Variants in SBF2 observed in about 807,000 individuals in gnomAD.
SBF2 encodes the protein SET binding factor 2.
Under a neutral mutation model 225.2 loss-of-function variants are expected in SBF2, and 112 were observed. The ratio of observed to expected loss-of-function variants is 0.50; its 90% CI spans 0.43 to 0.58. The LOEUF (loss-of-function observed/expected upper bound fraction) is 0.58, where lower values mean the gene tolerates loss of function less well. SBF2 is among the 20% of genes least tolerant of loss of function. The pLI, the probability that SBF2 is intolerant of heterozygous loss-of-function variation, is 0.00. For missense variants in SBF2, 1,996 were observed against 2,206.2 expected, an observed-to-expected ratio of 0.90 and a Z score of 1.91; for synonymous variants, 763 against 773.3, an observed-to-expected ratio of 0.99 and a Z score of 0.22.
At chr11:9,955,870 T>TA (rs1446851996) in intron 16 of SBF2, among the ~76,000 whole-genome samples, 7 of 127,418 alleles carry the variant, frequency 5.5e-5, no homozygotes, top group Non-Finnish European at 9.2e-5. Flanking sequence ...TACCTTAGTT[T>TA]TAAAAAAATA....
upstream of SBF2, among the ~76,000 whole-genome samples, chr11:10,294,514 T>A (rs574523486): frequency 3.3e-5 from 5 of 152,368 alleles, no homozygotes; most frequent in East Asian, 9.6e-4. Flanking sequence ...GAAGAAGGGA[T>A]GTGGAGAGTT....
chr11:10,150,656 T>G (rs1377481059), intron 2 of SBF2, among the ~76,000 whole-genome samples: 1 of 152,184 alleles, frequency 6.6e-6, no homozygotes, highest in East Asian at 1.9e-4. Context: ...AGCTGTTTAG[T>G]TGAAAACTCT....
chr11:9,990,196 A>G (rs1463840088), intron 12 of SBF2, among the ~76,000 whole-genome samples: 2 of 152,204 alleles, frequency 1.3e-5, no homozygotes, highest in Non-Finnish European at 2.9e-5. Flanking sequence ...TGGGGGGGTA[A>G]ATAGATGGAT....
At chr11:10,077,571 A>C (rs1474068003) in intron 2 of SBF2, among the ~76,000 whole-genome samples, 1 of 152,246 alleles carries the variant, frequency 6.6e-6, no homozygotes, top group African/African-American at 2.4e-5. Context: ...TGTTGGGAAA[A>C]CTGGCAAGCC....
intron 1 of SBF2, among the ~76,000 whole-genome samples, chr11:10,196,866 A>ATATATATATATATATATTTTTTTTTTTT: frequency 3.0e-5 from 3 of 99,302 alleles, no homozygotes; most frequent in African/African-American, 8.1e-5. Flanking sequence ...ATATATATAT[A>ATATATATATATATATATTTTTTTTTTTT]TTTTTTTTTT....
chr11:9,825,231 G>C (rs570750145), intron 28 of SBF2, among the ~76,000 whole-genome samples: 1 of 152,256 alleles, frequency 6.6e-6, no homozygotes, highest in East Asian at 1.9e-4. Flanking sequence ...CACAGAGGGA[G>C]AATGCCATGT....
intron 2 of SBF2, among the ~76,000 whole-genome samples, chr11:10,053,073 T>A (rs1399491935): frequency 6.6e-6 from 1 of 152,156 alleles, no homozygotes; most frequent in South Asian, 2.1e-4. Flanking sequence ...TAGTTATGAA[T>A]CCTGTTTTTC....
At chr11:9,972,380 T>C (rs916597745) in intron 13 of SBF2, among the ~76,000 whole-genome samples, 1 of 152,214 alleles carries the variant, frequency 6.6e-6, no homozygotes, top group African/African-American at 2.4e-5. Flanking sequence ...CATGGTACCA[T>C]GCTTCTATAA....
intron 2 of SBF2, among the ~76,000 whole-genome samples, chr11:10,120,407 G>C (rs980958469): frequency 6.6e-6 from 1 of 152,128 alleles, no homozygotes; most frequent in Admixed American, 6.5e-5. Flanking sequence ...AAATATCTTT[G>C]CAATTCTCCT....
intron 24 of SBF2, chr11:9,843,908 A>AT (rs1337988793): frequency 6.6e-6 from 1 of 152,104 alleles, no homozygotes; most frequent in South Asian, 2.1e-4. Context: ...GATTTTTGAA[A>AT]TTTTTTCCCA....
intron 22 of SBF2, among the ~76,000 whole-genome samples, chr11:9,847,300 G>A (rs533256524): frequency 6.4e-4 from 98 of 152,262 alleles, no homozygotes; most frequent in Middle Eastern, 3.4e-3. Flanking sequence ...GGAAGCAGTA[G>A]AAGGGATCCT....
chr11:9,818,908 G>C (rs982146172), intron 28 of SBF2, among the ~76,000 whole-genome samples: 9 of 151,818 alleles, frequency 5.9e-5, no homozygotes, highest in Non-Finnish European at 8.8e-5. Context: ...TTTTAGTAGA[G>C]ATGGGGTTTC....
intron 16 of SBF2, chr11:9,929,251 A>C (rs1331381923): frequency 5.4e-6 from 1 of 185,606 alleles, no homozygotes; most frequent in African/African-American, 2.4e-5. Flanking sequence ...ATGCCTCATG[A>C]GCTGAACCAA....
chr11:10,146,920 T>G (rs779496585), intron 2 of SBF2, among the ~76,000 whole-genome samples: 2 of 152,056 alleles, frequency 1.3e-5, no homozygotes, highest in African/African-American at 2.4e-5. Context: ...CAGACATTTT[T>G]CAAAAGAAGA....
rs534293992 is a variant in SBF2, at chr11:10,284,507, C to T, written c.55+9508G>A. On this transcript the variant is annotated intron_variant, in intron 1 of 39. Coordinates refer to ENST00000256190, the MANE Select transcript of SBF2 (RefSeq NM_030962.4). Reference sequence around the variant, plus strand: ...TTAACTACCTATGATGTACCAGGCACCCTTCTTTCTATATAATTCAAATAG... The same window carrying T: ...TTAACTACCTATGATGTACCAGGCATCCTTCTTTCTATATAATTCAAATAG... Among the ~76,000 whole-genome samples, 8 of 151,540 alleles carry T rather than the reference C, an allele frequency of 5.3e-5. No individual in the cohort carries two copies. In the East Asian group the frequency reaches 1.6e-3, roughly 29 times the overall value.
At position 9,989,531 on chromosome 11, in the gene SBF2, T is replaced by C. The variant is rs1293582772; in HGVS notation, c.1361A>G (p.His454Arg). ...TAGTTGCTCAGCAAGTTCCCTGACA[T>C]GCTTTATCATCTTCACTGGGTTATT... ...EENNPVKMIK[H>R]VRELAEQLFK... Residue 454 changes from histidine to arginine, a missense_variant, in exon 13 of 40, where the codon CAT becomes CGT. Coordinates refer to ENST00000256190, the MANE Select transcript of SBF2 (RefSeq NM_030962.4). The C allele has an allele frequency of 6.2e-7, 1 of 1,608,964 alleles. No homozygotes were observed. The highest frequency in any genetic ancestry group is 8.5e-7 in the Non-Finnish European group (1 of 1,176,154).
intron 2 of SBF2, among the ~76,000 whole-genome samples, chr11:10,045,691 T>C (rs915311209): frequency 1.1e-4 from 17 of 152,360 alleles, no homozygotes; most frequent in African/African-American, 2.9e-4. Context: ...TGCACAAGTC[T>C]ATGCCCACAG....
In SBF2 at chr11:9,926,647, C is replaced by A. The variant is rs141801584; in HGVS notation, c.1861-30636G>T. Among the ~76,000 whole-genome samples, 792 of 151,990 alleles carry A rather than the reference C, an allele frequency of 5.2e-3. 11 individuals are homozygous for A. The highest frequency in any genetic ancestry group is 0.018 in the African/African-American group (748 of 41,468). ...ACTACATAACATAATTCTAAATAAC[C>A]TAAGCGTTCAAAGAAGAAATCAAAA... On this transcript the variant is annotated intron_variant, in intron 16 of 39. Coordinates refer to ENST00000256190, the MANE Select transcript of SBF2 (RefSeq NM_030962.4).
intron 16 of SBF2, chr11:9,929,294 G>A (rs1382326744): frequency 1.7e-5 from 3 of 174,614 alleles, no homozygotes; most frequent in Middle Eastern, 9.9e-4. Context: ...AAAAACCATC[G>A]TTTTGAAGTG....
Sources: gnomAD v4.1 joint callset for allele counts (sites outside exome capture counted in the v4.1 genomes callset) on GRCh38, gnomAD v4.1.1 for gene constraint, MANE v1.5 for transcripts, NCBI Gene and HGNC (gene_info 2026-07-23, HGNC 2026-07-21) for gene names.